Variants in CD163L1 observed in about 807,000 individuals in gnomAD.
CD163L1 encodes the protein CD163 molecule like 1, also known as scavenger receptor cysteine-rich type 1 protein M160.
Under a neutral mutation model 165.4 loss-of-function variants are expected in CD163L1, and 124 were observed. That is an observed-to-expected ratio of 0.75 (90% CI 0.65 to 0.87). The LOEUF (loss-of-function observed/expected upper bound fraction) is 0.87. Ranked by LOEUF, CD163L1 falls within the 40% of genes least tolerant of loss-of-function variation. CD163L1 has a pLI of 0.00. For synonymous variants in CD163L1, 585 were observed against 662.2 expected, an observed-to-expected ratio of 0.88 and a Z score of 1.79; for missense variants, 1,525 against 1,799.9, an observed-to-expected ratio of 0.85 and a Z score of 2.76.
rs1334432918 is a variant in CD163L1 at position 7,432,921 on chromosome 12, A to C, written c.446-185T>G. The stretch of plus-strand genomic sequence containing the variant: ...TTCTAAACACAAATACACAAACAAA[A>C]AAAATCCTAGGTGAAAAAATCAATC... On this transcript the variant is annotated intron_variant, in intron 3 of 19. Coordinates refer to ENST00000313599, the MANE Select transcript of CD163L1 (RefSeq NM_174941.6). The surrounding 1 kb of genome is among the most constrained non-coding windows in gnomAD (Gnocchi z 4.2). 6.6e-6 allele frequency among the ~76,000 whole-genome samples: 1 copy of C among 152,194 alleles called. No individual in the cohort carries two copies. The highest frequency in any genetic ancestry group is 1.5e-5 in the Non-Finnish European group (1 of 68,028).
the CD163L1 span, among the ~76,000 whole-genome samples, chr12:7,319,332 G>T: frequency 6.6e-6 from 1 of 151,982 alleles, no homozygotes; most frequent in South Asian, 2.1e-4. Context: ...GATAAAGCAG[G>T]CATAATCCCA....
Position 7,373,327 on chromosome 12 carries a change from T to C in CD163L1, c.3723A>G (p.Thr1241=). ...ISSPAEETWI[T]CEDRIRVRGG... is the part of the protein sequence containing the mutation. Reference sequence around the variant, plus strand: ...GTTTAGAAAGATACCCACCTTCACATGTGATCCAGGTCTCTTCTGCTGGGC... The same window carrying C: ...GTTTAGAAAGATACCCACCTTCACACGTGATCCAGGTCTCTTCTGCTGGGC... Residue 1241 remains threonine, a synonymous_variant, in exon 14 of 20, where the codon ACA becomes ACG. Coordinates refer to ENST00000313599, the MANE Select transcript of CD163L1 (RefSeq NM_174941.6). 6.2e-7 allele frequency: 1 copy of C among 1,604,744 alleles called. No individual in the cohort carries two copies. Among genetic ancestry groups the C allele is most frequent in the Non-Finnish European group, 8.5e-7 (1 of 1,173,570 alleles).
intron 8 of CD163L1, among the ~76,000 whole-genome samples, chr12:7,384,196 A>G (rs1947468471): frequency 6.6e-6 from 1 of 152,110 alleles, no homozygotes; most frequent in African/African-American, 2.4e-5. Context: ...AAAGCAGAAG[A>G]AAGAACTGCA....
At chr12:7,375,075 C>A in intron 11 of CD163L1, 152 bp from the exon 12 acceptor site, 2 of 865,158 alleles carry the variant, frequency 2.3e-6, no homozygotes, top group Non-Finnish European at 3.6e-6. Flanking sequence ...GATGTCTACT[C>A]GTAAATCCCA....
At chr12:7,421,606 CATATACATAT>C (rs1948428484) in intron 4 of CD163L1, among the ~76,000 whole-genome samples, 1 of 3,666 alleles carries the variant, frequency 2.7e-4, no homozygotes, top group Admixed American at 6.9e-3. Context: ...TATATGTACA[CATATACATAT>C]ATGTACATAT....
chr12:7,434,132 A>G (rs1449504933), intron 2 of CD163L1, among the ~76,000 whole-genome samples: 1 of 152,224 alleles, frequency 6.6e-6, no homozygotes, highest in Non-Finnish European at 1.5e-5. Flanking sequence ...TAAGGTTGAC[A>G]TAATAATTTT....
chr12:7,440,903 A>C (rs2136655909), intron 2 of CD163L1, among the ~76,000 whole-genome samples: 1 of 152,336 alleles, frequency 6.6e-6, no homozygotes, highest in African/African-American at 2.4e-5. Context: ...CTGAGATTAC[A>C]GGCCTGAGCC....
chr12:7,413,898 G>C (rs750204842), intron 4 of CD163L1, among the ~76,000 whole-genome samples: 54 of 152,208 alleles, frequency 3.5e-4, no homozygotes, highest in Admixed American at 2.6e-4. Flanking sequence ...GGAACAAAAG[G>C]GGTGGATTAA....
rs11459242 is a variant in CD163L1 at position 7,348,813 on chromosome 12, GTT to G, written c.*25-1668_*25-1667del. Among the ~76,000 whole-genome samples the G allele has an allele frequency of 2.0e-4, 29 of 142,978 alleles. No homozygotes were observed. In the East Asian group the frequency reaches 3.6e-3, roughly 18 times the overall value. The allele number at this position is 142,978 out of a possible 152,430, so 93.8% of individuals were successfully genotyped here. On this transcript the variant is annotated intron_variant, in intron 4 of 4. Transcript: ENST00000539726. ...CAAAGCAGTAATAAGTCCTTGTTATGTTTTTTTTTTTTTTCAAAATAAATGTT... is the reference window on the plus strand; with the variant it reads ...CAAAGCAGTAATAAGTCCTTGTTATGTTTTTTTTTTTTCAAAATAAATGTT...
At chr12:7,333,079 C>T in the CD163L1 span, among the ~76,000 whole-genome samples, 1 of 151,852 alleles carries the variant, frequency 6.6e-6, no homozygotes, top group South Asian at 2.1e-4. Flanking sequence ...CACATCTCAC[C>T]TGTTAACAGA....
chr12:7,374,662 G>A lies in CD163L1; in HGVS notation c.3189C>T (p.Asp1063=), dbSNP rs776269185. 1.8e-5 allele frequency: 29 copies of A among 1,614,088 alleles called. 2 individuals carry two copies. In the South Asian group the frequency reaches 1.9e-4, roughly 10 times the overall value. The change falls in exon 13 of 20, where the codon GAC becomes GAT. Residue 1063 remains aspartate (D), a synonymous_variant. Transcript: ENST00000313599. This position sits in a 1 kb window ranked among gnomAD's most constrained non-coding sequence, Gnocchi z 5.4. ...HDGFWGTICD[D]GWDLSDAHVV... is the part of the protein sequence containing the mutation. ...CGTGGGCATCGCTCAGGTCCCAGCC[G>A]TCATCACAGATGGTGCCCCAGAAGC...
chr12:7,375,778 G>T lies in CD163L1; in HGVS notation c.2608C>A (p.His870Asn). Residue 870 changes from histidine to asparagine, a missense_variant, in exon 10 of 20, where the codon CAC becomes AAC. His to Asn is a moderately conservative substitution (Grantham distance 68). Coordinates refer to ENST00000313599, the MANE Select transcript of CD163L1 (RefSeq NM_174941.6). Reference sequence around the variant, plus strand: ...TGAACAATGGGGCATAATGCAAGGTGAGTTTCACTCCCTTCACACTGGAAC... The same window carrying T: ...TGAACAATGGGGCATAATGCAAGGTTAGTTTCACTCCCTTCACACTGGAAC... ...EKFQCEGSET[H>N]LALCPIVQHP... 6.2e-7 allele frequency: 1 copy of T among 1,614,234 alleles called. No homozygotes were observed. The highest frequency in any genetic ancestry group is 8.5e-7 in the Non-Finnish European group (1 of 1,180,032).
chr12:7,403,793 C>T lies in CD163L1; in HGVS notation c.1150G>A (p.Val384Met). Reference sequence around the variant, plus strand: ...GTCCACCACTGTTCATGAATTCTCACCTCTACTCTCCCTGAACAATTGTTA... The same window carrying T: ...GTCCACCACTGTTCATGAATTCTCATCTCTACTCTCCCTGAACAATTGTTA... Reference protein sequence around the residue: ...GSNNCSGRVEVRIHEQWWTIC... With the variant: ...GSNNCSGRVEMRIHEQWWTIC... The change falls in exon 6 of 20, where the codon GTG (valine) becomes ATG (methionine). Residue 384 changes from valine to methionine, a missense_variant. Val to Met is a conservative substitution (Grantham distance 21). Coordinates refer to ENST00000313599, the MANE Select transcript of CD163L1 (RefSeq NM_174941.6). The T allele has an allele frequency of 6.2e-7, 1 of 1,613,792 alleles. No individual in the cohort carries two copies. Among genetic ancestry groups the T allele is most frequent in the South Asian group, 1.1e-5 (1 of 91,064 alleles).
Position 7,433,644 on chromosome 12 carries a change from C to T in CD163L1, c.175G>A (p.Gly59Arg). The T allele has an allele frequency of 6.2e-7, 1 of 1,614,052 alleles. No individual in the cohort carries two copies. The highest frequency in any genetic ancestry group is 8.5e-7 in the Non-Finnish European group (1 of 1,179,968). Residue 59 changes from glycine to arginine, a missense_variant, in exon 3 of 20, where the codon GGG becomes AGG. Gly to Arg is a moderately radical substitution (Grantham distance 125). Transcript: ENST00000313599. ...RLVNGDGPCS[G>R]TVEVKFQGQW... is the part of the protein sequence containing the mutation. Reference sequence around the variant, plus strand: ...CCCTGGAATTTCACCTCCACTGTCCCAGAGCAGGGACCGTCTCCATTGACC... The same window carrying T: ...CCCTGGAATTTCACCTCCACTGTCCTAGAGCAGGGACCGTCTCCATTGACC...
the CD163L1 span, chr12:7,328,265 C>T: frequency 6.5e-7 from 1 of 1,544,758 alleles, no homozygotes; most frequent in Non-Finnish European, 8.8e-7. Flanking sequence ...AGTGTCTCAT[C>T]ACGTTTTTTT....
chr12:7,356,544 C>T (rs1318941424), intron 19 of CD163L1, among the ~76,000 whole-genome samples: 1 of 152,080 alleles, frequency 6.6e-6, no homozygotes, highest in Non-Finnish European at 1.5e-5. Context: ...CATTTATTCC[C>T]ATAAAAAATT....
the CD163L1 span, chr12:7,322,506 C>T: frequency 6.2e-7 from 1 of 1,613,844 alleles, no homozygotes; most frequent in Admixed American, 1.7e-5. Context: ...GCAAACTGGG[C>T]TGGAGCTATA....
chr12:7,403,673 G>C lies in CD163L1; in HGVS notation c.1270C>G (p.Pro424Ala), dbSNP rs1947957068. 3 of 1,613,900 alleles carry C rather than the reference G, an allele frequency of 1.9e-6. No homozygotes were observed. Among genetic ancestry groups the C allele is most frequent in the Non-Finnish European group, 2.5e-6 (3 of 1,179,970 alleles). Residue 424 changes from proline to alanine, a missense_variant, in exon 6 of 20, where the codon CCT (proline) becomes GCT (alanine). Physicochemically the swap from Pro to Ala is conservative, Grantham distance 27. Transcript: ENST00000313599. The part of the protein sequence containing the change: ...FSVFGSRRAK[P>A]SNEARDIWIN... Reference sequence around the variant, plus strand: ...CAAATGTCTCTAGCTTCATTACTAGGTTTAGCACGACGACTGCCAAAGACG... The same window carrying C: ...CAAATGTCTCTAGCTTCATTACTAGCTTTAGCACGACGACTGCCAAAGACG...
In CD163L1 at chr12:7,432,218, G is replaced by A. The variant is rs941741154; in HGVS notation, c.766+198C>T. Among the ~76,000 whole-genome samples the A allele has an allele frequency of 6.6e-6, 1 of 152,196 alleles. No homozygotes were observed. Among genetic ancestry groups the A allele is most frequent in the African/African-American group, 2.4e-5 (1 of 41,454 alleles). ...GATCAGAAATATTAAAACTCAAAAT[G>A]TGCTTTAGATTTGTTAGGAAGAGCA... On this transcript the variant is annotated intron_variant, in intron 4 of 19. Transcript: ENST00000313599. The surrounding 1 kb of genome is among the most constrained non-coding windows in gnomAD (Gnocchi z 4.2).
Sources: gnomAD v4.1 joint callset for allele counts (sites outside exome capture counted in the v4.1 genomes callset) on GRCh38, gnomAD v4.1.1 for gene constraint, Gnocchi (gnomAD v3.1) non-coding constraint, MANE v1.5 for transcripts, NCBI Gene and HGNC (gene_info 2026-07-23, HGNC 2026-07-21) for gene names.